The following SLC24A3 variants were observed in gnomAD, a reference collection of about 807,000 sequenced individuals.
SLC24A3 encodes sodium/potassium/calcium exchanger 3.
A neutral mutation model predicts 75.8 loss-of-function variants in SLC24A3; 28 were observed. The observed-to-expected ratio is 0.37, with a 90% CI of 0.27 to 0.51. SLC24A3 has a LOEUF of 0.51. SLC24A3 is among the 20% of genes least tolerant of loss of function. SLC24A3 has a pLI of 0.94. For missense variants in SLC24A3, 663 were observed against 847.8 expected (o/e 0.78, Z 2.71); for synonymous variants, 372 against 334.1 (o/e 1.11, Z -1.24).
At chr20:19,405,018 G>C (rs1410342360) in intron 2 of SLC24A3, among the ~76,000 whole-genome samples, 2 of 152,074 alleles carry the variant, frequency 1.3e-5, no homozygotes, top group African/African-American at 2.4e-5. Context: ...CTTCCCTAGT[G>C]ACCACTAGCC....
chr20:19,355,073 T>A (rs1183002284), intron 2 of SLC24A3: 1 of 152,266 alleles, frequency 6.6e-6, no homozygotes, highest in Non-Finnish European at 1.5e-5. Flanking sequence ...GGCTTCCTTA[T>A]GACCCCTTTC....
chr20:19,719,531 A>G (rs1267011529), intron 16 of SLC24A3, among the ~76,000 whole-genome samples: 2 of 151,766 alleles, frequency 1.3e-5, no homozygotes, highest in African/African-American at 4.8e-5. Context: ...CCGTGGGGAT[A>G]AGTGAGGACG....
chr20:19,450,040 G>A (rs1987454378), intron 2 of SLC24A3, among the ~76,000 whole-genome samples: 1 of 152,208 alleles, frequency 6.6e-6, no homozygotes, highest in African/African-American at 2.4e-5. Context: ...GAGAGAAGCA[G>A]AAGATGTGCA....
At chr20:19,544,247 C>T (rs2030550462) in intron 3 of SLC24A3, among the ~76,000 whole-genome samples, 1 of 152,158 alleles carries the variant, frequency 6.6e-6, no homozygotes, top group Admixed American at 6.5e-5. Context: ...TTCCAAAGAA[C>T]AGGAGCAACA....
chr20:19,517,321 C>T (rs569725789), intron 3 of SLC24A3, among the ~76,000 whole-genome samples: 1 of 152,192 alleles, frequency 6.6e-6, no homozygotes, highest in Non-Finnish European at 1.5e-5. Context: ...TTTCATCCTC[C>T]TGAAGAGATG....
At chr20:19,556,046 T>C (rs550190849) in intron 3 of SLC24A3, among the ~76,000 whole-genome samples, 2 of 152,170 alleles carry the variant, frequency 1.3e-5, no homozygotes, top group Non-Finnish European at 2.9e-5. Context: ...ACCTTTTTGC[T>C]GTGTCCTCAC....
chr20:19,483,636 G>T (rs1988089423), intron 2 of SLC24A3, among the ~76,000 whole-genome samples: 1 of 152,170 alleles, frequency 6.6e-6, no homozygotes, highest in Admixed American at 6.5e-5. Flanking sequence ...CAGGGCAACT[G>T]TGAACAGGAA....
chr20:19,636,694 T>G (rs1342334024), intron 6 of SLC24A3, among the ~76,000 whole-genome samples: 1 of 152,134 alleles, frequency 6.6e-6, no homozygotes, highest in African/African-American at 2.4e-5. Context: ...CAAATAGACC[T>G]ATACACCTGC....
intron 2 of SLC24A3, among the ~76,000 whole-genome samples, chr20:19,393,460 A>G (rs1019423559): frequency 2.6e-5 from 4 of 152,350 alleles, no homozygotes; most frequent in Admixed American, 6.5e-5. Flanking sequence ...ACATGATCTT[A>G]TATGTAGAAA....
At chr20:19,718,475 C>T (rs987193357) in intron 16 of SLC24A3, among the ~76,000 whole-genome samples, 3 of 152,220 alleles carry the variant, frequency 2.0e-5, no homozygotes, top group African/African-American at 7.2e-5. Context: ...TGGAGCTCAT[C>T]ATGCCCCCCA....
In SLC24A3 at chr20:19,704,266, G is replaced by A. The variant is rs138758477; in HGVS notation, c.1719+5586G>A. 1.8e-4 allele frequency among the ~76,000 whole-genome samples: 28 copies of A among 152,246 alleles called. No homozygotes were observed. The East Asian group carries it at 3.9e-3, about 21-fold the overall frequency. On this transcript the variant is annotated intron_variant, in intron 15 of 16. Transcript: ENST00000328041. Reference sequence around the variant, plus strand: ...AGAGCAGTAGGGTGACTTGAGAAGAGAGTAGGGGGGCAAGCACAACAGCAA... The same window carrying A: ...AGAGCAGTAGGGTGACTTGAGAAGAAAGTAGGGGGGCAAGCACAACAGCAA...
chr20:19,675,940 C>T (rs748527855), intron 9 of SLC24A3, among the ~76,000 whole-genome samples: 3 of 152,096 alleles, frequency 2.0e-5, no homozygotes, highest in Non-Finnish European at 4.4e-5. Context: ...TCTAGTGCAT[C>T]GTTTCAATTT....
intron 16 of SLC24A3, among the ~76,000 whole-genome samples, chr20:19,719,218 G>A (rs1329174089): frequency 1.3e-5 from 2 of 152,110 alleles, no homozygotes; most frequent in Non-Finnish European, 2.9e-5. Context: ...AATAGAGAAT[G>A]AAAGGAGAGA....
rs1200059825 is a variant in SLC24A3, at chr20:19,721,887, T to TC, written c.*751dup. 2.0e-5 allele frequency: 3 copies of TC among 152,510 alleles called. No homozygotes were observed. The highest frequency in any genetic ancestry group is 7.3e-5 in the African/African-American group (3 of 41,374). The allele number at this position is 152,510 out of a possible 1,614,324, so 9.4% of individuals were successfully genotyped here. Reference sequence around the variant, plus strand: ...ACGCCTCGCTAAAGTCTTATGGGCGTCCCCTGGGGTTGGGGGGGCACAAGG... The same window carrying TC: ...ACGCCTCGCTAAAGTCTTATGGGCGTCCCCCTGGGGTTGGGGGGGCACAAGG... On this transcript the variant is annotated 3_prime_UTR_variant, in exon 17 of 17. Coordinates refer to ENST00000328041, the MANE Select transcript of SLC24A3 (RefSeq NM_020689.4).
At chr20:19,378,851 C>T (rs946485479) in intron 2 of SLC24A3, among the ~76,000 whole-genome samples, 2 of 149,560 alleles carry the variant, frequency 1.3e-5, no homozygotes, top group Non-Finnish European at 3.0e-5. Flanking sequence ...GGGACAAATG[C>T]AATTGGTATC....
At chr20:19,583,702 C>T (rs970168280) in intron 4 of SLC24A3, among the ~76,000 whole-genome samples, 8 of 152,210 alleles carry the variant, frequency 5.3e-5, no homozygotes, top group Admixed American at 3.9e-4. Context: ...TGGCAGGTCT[C>T]GGCAAACCAT....
chr20:19,293,621 A>T (rs1983993577), intron 2 of SLC24A3, among the ~76,000 whole-genome samples: 1 of 146,460 alleles, frequency 6.8e-6, no homozygotes, highest in Non-Finnish European at 1.5e-5. Flanking sequence ...GCACCACTGC[A>T]CTCCAACCTG....
intron 2 of SLC24A3, among the ~76,000 whole-genome samples, chr20:19,319,836 G>T (rs1452743816): frequency 6.6e-6 from 1 of 152,218 alleles, no homozygotes; most frequent in African/African-American, 2.4e-5. Context: ...ACCTGTACAT[G>T]TGTACCCCAG....
chr20:19,672,765 G>T (rs575855375), intron 8 of SLC24A3, among the ~76,000 whole-genome samples: 11 of 152,298 alleles, frequency 7.2e-5, no homozygotes, highest in African/African-American at 2.2e-4. Flanking sequence ...AAAAACCCTT[G>T]TGTATGTATC....
Sources: allele counts gnomAD v4.1 joint callset (sites outside exome capture counted in the v4.1 genomes callset), GRCh38; gene constraint gnomAD v4.1.1; transcripts MANE v1.5; gene names NCBI Gene and HGNC (gene_info 2026-07-23, HGNC 2026-07-21).